The following GRB14 variants were observed in gnomAD, a reference collection of about 807,000 sequenced individuals.
GRB14 encodes the protein growth factor receptor-bound protein 14.
Under a neutral mutation model 69.1 loss-of-function variants are expected in GRB14, and 38 were observed. That is an observed-to-expected ratio of 0.55 (90% confidence interval 0.42 to 0.72). The LOEUF (loss-of-function observed/expected upper bound fraction) is 0.72. GRB14 is among the 30% of genes least tolerant of loss of function. The pLI, the probability that GRB14 is intolerant of heterozygous loss-of-function variation, is 0.00. For synonymous variants in GRB14, 247 were observed against 241.3 expected (o/e 1.02, Z -0.22); for missense variants, 666 against 666.1 (o/e 1.00, Z 0.00).
intron 5 of GRB14, among the ~76,000 whole-genome samples, chr2:164,522,459 A>C (rs1222152729): frequency 6.6e-6 from 1 of 152,164 alleles, no homozygotes; most frequent in Non-Finnish European, 1.5e-5. Context: ...CTAACTACCA[A>C]AATTATCAGC....
intron 2 of GRB14, among the ~76,000 whole-genome samples, chr2:164,612,757 A>T (rs1427383188): frequency 2.0e-5 from 3 of 152,202 alleles, no homozygotes; most frequent in Non-Finnish European, 2.9e-5. Context: ...TTGACAGAAC[A>T]TATTATATGC....
chr2:164,496,215 T>C (rs1327877748), intron 12 of GRB14, among the ~76,000 whole-genome samples: 5 of 152,168 alleles, frequency 3.3e-5, no homozygotes, highest in African/African-American at 9.6e-5. Context: ...CTTTTGAAGA[T>C]AAAAGATCCC....
At position 164,502,313 on chromosome 2, in the gene GRB14, T is replaced by C. The variant is rs1353898005; in HGVS notation, c.1046A>G (p.Asn349Ser). The change falls in exon 9 of 14, where the codon AAT (asparagine) becomes AGT (serine). Residue 349 changes from asparagine (N) to serine (S), a missense_variant. Asn to Ser is a conservative substitution (Grantham distance 46). Coordinates refer to ENST00000263915, the MANE Select transcript of GRB14 (RefSeq NM_004490.3). ...TCTACCTTGATATGGATGCATATAA[T>C]TCTGGTACAGCTGCATGCCATACTG... ...LLKYGMQLYQ[N>S]YMHPYQGRSG... 1 of 1,599,624 alleles carries C rather than the reference T, an allele frequency of 6.3e-7. No individual in the cohort carries two copies. The highest frequency in any genetic ancestry group is 1.3e-5 in the African/African-American group (1 of 74,594).
chr2:164,503,442 CAAAAAAA>C lies in GRB14; in HGVS notation c.1024-1114_1024-1108del, dbSNP rs148268784. ...ACAATGGGTATATTTGGTAATTAGG[CAAAAAAA>C]AAAAAAAAAAAAAAAAAAAAAAAAA... On this transcript the variant is annotated intron_variant, in intron 8 of 13. Transcript: ENST00000263915. Among the ~76,000 whole-genome samples, 24 of 92,226 alleles carry C rather than the reference CAAAAAAA, an allele frequency of 2.6e-4. No homozygotes were observed. In the South Asian group the frequency reaches 3.2e-3, roughly 12 times the overall value. The allele number at this position is 92,226 out of a possible 152,430, so 60.5% of individuals were successfully genotyped here. A position where few individuals can be genotyped will look rare whatever the true frequency, so the allele number is the denominator to read the frequency against.
intron 2 of GRB14, among the ~76,000 whole-genome samples, chr2:164,619,188 T>G (rs1008602316): frequency 6.6e-6 from 1 of 152,228 alleles, no homozygotes; most frequent in South Asian, 2.1e-4. Context: ...TCCACTGAAA[T>G]GAAGACATGT....
chr2:164,511,117 G>A (rs1687327526), intron 6 of GRB14, among the ~76,000 whole-genome samples: 1 of 152,166 alleles, frequency 6.6e-6, no homozygotes, highest in Non-Finnish European at 1.5e-5. Flanking sequence ...CTCGAGTTCT[G>A]GCGAGCCTCC....
chr2:164,585,001 G>A (rs1233889196), intron 2 of GRB14, among the ~76,000 whole-genome samples: 1 of 149,518 alleles, frequency 6.7e-6, no homozygotes, highest in Non-Finnish European at 1.5e-5. Context: ...GAGTGCAGTG[G>A]TGTGGTCTTG....
chr2:164,531,743 T>A (rs554706222), intron 3 of GRB14, among the ~76,000 whole-genome samples: 11 of 151,860 alleles, frequency 7.2e-5, no homozygotes, highest in African/African-American at 2.2e-4. Context: ...AGGTCCCAAG[T>A]GACCCCATAT....
intron 2 of GRB14, among the ~76,000 whole-genome samples, chr2:164,582,698 C>A (rs531889297): frequency 1.3e-5 from 2 of 152,118 alleles, no homozygotes; most frequent in Non-Finnish European, 2.9e-5. Context: ...GGATTACAGG[C>A]GTGAGCCACC....
chr2:164,531,382 A>G (rs1327398849), intron 3 of GRB14, among the ~76,000 whole-genome samples: 1 of 152,232 alleles, frequency 6.6e-6, no homozygotes, highest in Non-Finnish European at 1.5e-5. Flanking sequence ...TCAAGATATC[A>G]ACAAAGATGC....
chr2:164,536,998 G>A (rs1285067578), intron 3 of GRB14, among the ~76,000 whole-genome samples: 1 of 152,120 alleles, frequency 6.6e-6, no homozygotes, highest in East Asian at 1.9e-4. Context: ...TACGGACGGT[G>A]GCAGCAAGCA....
At chr2:164,618,091 C>T (rs1233606647) in intron 2 of GRB14, among the ~76,000 whole-genome samples, 1 of 151,916 alleles carries the variant, frequency 6.6e-6, no homozygotes, top group Non-Finnish European at 1.5e-5. Context: ...CTCCGCCTCC[C>T]GAGTAGCTGG....
chr2:164,494,793 CTG>C (rs1483819395), intron 12 of GRB14, among the ~76,000 whole-genome samples: 2 of 152,182 alleles, frequency 1.3e-5, no homozygotes, highest in Non-Finnish European at 2.9e-5. Context: ...AAACAATACA[CTG>C]TTATGTCTGC....
At chr2:164,572,845 A>G (rs1385400436) in intron 2 of GRB14, among the ~76,000 whole-genome samples, 1 of 152,208 alleles carries the variant, frequency 6.6e-6, no homozygotes, top group East Asian at 1.9e-4. Flanking sequence ...TGTTTCTTGA[A>G]TATCAAGTCC....
chr2:164,597,871 G>C (rs528904367), intron 2 of GRB14, among the ~76,000 whole-genome samples: 64 of 152,186 alleles, frequency 4.2e-4, no homozygotes, highest in African/African-American at 1.5e-3. Flanking sequence ...TGATACCTTG[G>C]AAAGAGGAAG....
At chr2:164,618,838 CCTT>C (rs1690372139) in intron 2 of GRB14, among the ~76,000 whole-genome samples, 1 of 152,182 alleles carries the variant, frequency 6.6e-6, no homozygotes, top group Admixed American at 6.5e-5. Flanking sequence ...TGTTCATTAT[CCTT>C]CTCCCATTTC....
intron 3 of GRB14, among the ~76,000 whole-genome samples, chr2:164,545,753 T>A (rs1688357769): frequency 6.6e-6 from 1 of 152,248 alleles, no homozygotes; most frequent in Non-Finnish European, 1.5e-5. Context: ...TATCTACTTA[T>A]ATGTAAACAT....
intron 9 of GRB14, among the ~76,000 whole-genome samples, chr2:164,500,658 C>A (rs1025999734): frequency 6.6e-5 from 10 of 152,066 alleles, no homozygotes; most frequent in African/African-American, 2.4e-4. Flanking sequence ...TTCTCACATA[C>A]TACTGTATCT....
At chr2:164,552,159 C>CGATCCTGCTAAG (rs1310594345) in intron 2 of GRB14, among the ~76,000 whole-genome samples, 3 of 152,244 alleles carry the variant, frequency 2.0e-5, no homozygotes, top group African/African-American at 7.2e-5. Context: ...GACCCAAACA[C>CGATCCTGCTAAG]CTCCTGCTAA....
Sources: allele counts gnomAD v4.1 joint callset (sites outside exome capture counted in the v4.1 genomes callset), GRCh38; gene constraint gnomAD v4.1.1; transcripts MANE v1.5; gene names NCBI Gene and HGNC (gene_info 2026-07-23, HGNC 2026-07-21).